LGALS9C: variants seen among roughly 807,000 people sequenced by gnomAD.
LGALS9C encodes the protein galectin-9C.
In LGALS9C, 7 loss-of-function variants were observed where a neutral mutation model predicts 41.3. The observed-to-expected ratio is 0.17, with a 90% CI of 0.10 to 0.32. The LOEUF is 0.32. LGALS9C is among the 10% of genes least tolerant of loss of function. The probability of loss-of-function intolerance (pLI) is 1.00; values close to 1 mark genes in which losing one functional copy is unlikely to be tolerated. For synonymous variants in LGALS9C, 44 were observed against 171.0 expected (o/e 0.26, Z 5.80); for missense variants, 102 against 455.2 (o/e 0.22, Z 7.06).
rs1411638910 is a variant in LGALS9C, at chr17:18,491,067, C to T, written c.577-206C>T. ...CGTTTCCCCGAGAGGAAAGATGGGC[C>T]AGAGCCACCAGCGTCCCCATCTGTC... is the stretch of plus-strand genomic sequence containing the variant. On this transcript the variant is annotated intron_variant, in intron 6 of 10. Transcript: ENST00000328114. The T allele has an allele frequency of 4.3e-6, 3 of 690,274 alleles. No individual in the cohort carries two copies. The East Asian group carries it at 8.1e-5, about 19-fold the overall frequency. The allele number at this position is 690,274 out of a possible 1,614,324, so 42.8% of individuals were successfully genotyped here. A position where few individuals can be genotyped will look rare whatever the true frequency, so the allele number is the denominator to read the frequency against.
chr17:18,491,180 CT>C, intron 6 of LGALS9C, 92 bp from the exon 7 acceptor site: 15 of 1,186,398 alleles, frequency 1.3e-5, no homozygotes, highest in Non-Finnish European at 1.8e-5. Flanking sequence ...GGTTATGCCC[CT>C]GGAGGGTGCC....
chr17:18,493,371 AG>A (rs1476331041), intron 10 of LGALS9C, among the ~76,000 whole-genome samples: 1 of 118,742 alleles, frequency 8.4e-6, no homozygotes, highest in Non-Finnish European at 2.0e-5. Context: ...GCGATGAGAT[AG>A]AGCGAGCCTG....
chr17:18,479,006 C>T (rs1989303559), intron 1 of LGALS9C, among the ~76,000 whole-genome samples: 1 of 71,764 alleles, frequency 1.4e-5, no homozygotes, highest in African/African-American at 3.7e-5. Context: ...ATCAAAGTGT[C>T]ATGAAAGGTG....
rs1254447785 is a variant in LGALS9C, at chr17:18,480,218, A to AC, written c.39+3325_39+3326insC. ...AATGAGATCCTGTCTCAAAAAAAAA[A>AC]AAAAAAAACACAACAAACAAACAAA... On this transcript the variant is annotated intron_variant, in intron 1 of 10. Transcript: ENST00000328114. 3.2e-5 allele frequency among the ~76,000 whole-genome samples: 4 copies of AC among 124,168 alleles called. No individual in the cohort carries two copies. The East Asian group carries it at 7.8e-4, about 24-fold the overall frequency. The allele number at this position is 124,168 out of a possible 152,430, so 81.5% of individuals were successfully genotyped here.
intron 1 of LGALS9C, among the ~76,000 whole-genome samples, chr17:18,477,989 T>C (rs1489090137): frequency 8.0e-6 from 1 of 124,786 alleles, no homozygotes; most frequent in East Asian, 2.0e-4. Context: ...AGGCTGCCTA[T>C]GTTCTGGTCT....
Position 18,483,965 on chromosome 17 carries a change from A to G in LGALS9C, c.130A>G (p.Arg44Gly), listed in dbSNP as rs566350742. The change falls in exon 2 of 11, where the codon AGG becomes GGG. Residue 44 changes from arginine (R) to glycine (G), a missense_variant and splice_region_variant. Arg to Gly is a moderately radical substitution (Grantham distance 125). Coordinates refer to ENST00000328114, the MANE Select transcript of LGALS9C (RefSeq NM_001040078.3). Reference protein sequence around the residue: ...NGAVLSCSGTRFAVDFQTGFS... With the variant: ...NGAVLSCSGTGFAVDFQTGFS... The stretch of plus-strand genomic sequence containing the variant: ...GGCCGTTCTCAGCTGCAGTGGAACC[A>G]GGTGTGTGTATATGGATGGAAACGT... 3 of 1,367,168 alleles carry G rather than the reference A, an allele frequency of 2.2e-6. No individual in the cohort carries two copies. Among genetic ancestry groups the G allele is most frequent in the African/African-American group, 2.9e-5 (2 of 70,086 alleles). 84.7% of individuals were successfully genotyped at this position (1,367,168 alleles called of 1,614,324 possible).
intron 1 of LGALS9C, among the ~76,000 whole-genome samples, chr17:18,480,336 T>C (rs1989348014): frequency 8.1e-6 from 1 of 124,126 alleles, no homozygotes; most frequent in African/African-American, 2.7e-5. Flanking sequence ...CCTTTGTGAT[T>C]ACATTGGGAC....
chr17:18,492,404 T>C (rs1425358528), intron 8 of LGALS9C, 53 bp from the exon 9 acceptor site: 2 of 1,508,182 alleles, frequency 1.3e-6, no homozygotes, highest in South Asian at 2.3e-5. Flanking sequence ...TCCCCTTCCA[T>C]GTGGCGGCTG....
chr17:18,491,381 C>A (rs1313661907), intron 7 of LGALS9C, 58 bp downstream of exon 7: 1 of 1,404,772 alleles, frequency 7.1e-7, no homozygotes, highest in Admixed American at 1.9e-5. Flanking sequence ...TCCCCAAGAA[C>A]TAAACTCCCT....
In LGALS9C at chr17:18,478,454, A is replaced by T. The variant is rs527498570; in HGVS notation, c.39+1561A>T. The stretch of plus-strand genomic sequence containing the variant: ...TACGGGGGCTCCCCTGGGTTGGGAC[A>T]CTTGAGCCTCACTCGGTGACCCATC... On this transcript the variant is annotated intron_variant, in intron 1 of 10. Coordinates refer to ENST00000328114, the MANE Select transcript of LGALS9C (RefSeq NM_001040078.3). Among the ~76,000 whole-genome samples, 7 of 122,168 alleles carry T rather than the reference A, an allele frequency of 5.7e-5. 1 individual carries two copies. The highest frequency in any genetic ancestry group is 1.9e-4 in the African/African-American group (7 of 37,198). 80.1% of individuals were successfully genotyped at this position (122,168 alleles called of 152,430 possible). A position where few individuals can be genotyped will look rare whatever the true frequency, so the allele number is the denominator to read the frequency against.
chr17:18,481,822 G>A (rs1181955049), intron 1 of LGALS9C, among the ~76,000 whole-genome samples: 1 of 137,460 alleles, frequency 7.3e-6, no homozygotes, highest in Non-Finnish European at 1.7e-5. Flanking sequence ...GGTTTCCCAG[G>A]GTGCTGTGTG....
At chr17:18,482,606 A>T (rs137874905) in intron 1 of LGALS9C, among the ~76,000 whole-genome samples, 9,757 of 140,852 alleles carry the variant, frequency 0.069, 25 homozygotes, top group African/African-American at 0.21. Flanking sequence ...TAGTGCTGAG[A>T]AGATGTTGAC....
Position 18,488,123 on chromosome 17 carries a change from C to T in LGALS9C, c.444+366C>T, listed in dbSNP as rs538315756. Reference sequence around the variant, plus strand: ...CTCTGCCATTCGTCATCTGTGGGATCTTAGACAAGCAACTTTGCCTCTCTC... The same window carrying T: ...CTCTGCCATTCGTCATCTGTGGGATTTTAGACAAGCAACTTTGCCTCTCTC... On this transcript the variant is annotated intron_variant, in intron 4 of 10. Transcript: ENST00000328114. 4.4e-3 allele frequency among the ~76,000 whole-genome samples: 572 copies of T among 130,608 alleles called. 31 individuals carry two copies. Among genetic ancestry groups the T allele is most frequent in the Non-Finnish European group, 6.8e-3 (371 of 54,252 alleles). The allele number at this position is 130,608 out of a possible 152,430, so 85.7% of individuals were successfully genotyped here. A position where few individuals can be genotyped will look rare whatever the true frequency, so the allele number is the denominator to read the frequency against.
rs755935023 is a variant in LGALS9C, at chr17:18,492,507, C to T, written c.723C>T (p.Ser241=). Residue 241 remains serine (S), a synonymous_variant, in exon 9 of 11, where the codon TCC becomes TCT. Transcript: ENST00000328114. ...CGGGAGGGCTGTACCCATCCAAGTC[C>T]ATCATCCTGTCAGGCACTGTCCTGC... The part of the protein sequence containing the change: ...TIPGGLYPSK[S]IILSGTVLPS... The T allele has an allele frequency of 5.8e-6, 9 of 1,563,172 alleles. No homozygotes were observed. Among genetic ancestry groups the T allele is most frequent in the Non-Finnish European group, 7.0e-6 (8 of 1,140,156 alleles).
chr17:18,479,472 T>C (rs1484782), intron 1 of LGALS9C, among the ~76,000 whole-genome samples: 26,782 of 125,606 alleles, frequency 0.21, 3,394 homozygotes, highest in African/African-American at 0.4. Flanking sequence ...CAGCATTGCT[T>C]CCAGTCCTCT....
In LGALS9C at chr17:18,492,439, T is replaced by C; in HGVS notation, c.673-18T>C. On this transcript the variant is annotated intron_variant, in intron 8 of 10. Transcript: ENST00000328114. The stretch of plus-strand genomic sequence containing the variant: ...GCCCTGACTGCCACTGGCTGACCTG[T>C]CCCCGTCCTTCTGACAGCCGATGCC... 1 of 1,510,718 alleles carries C rather than the reference T, an allele frequency of 6.6e-7. No homozygotes were observed. The highest frequency in any genetic ancestry group is 1.2e-5 in the South Asian group (1 of 86,656). The allele number at this position is 1,510,718 out of a possible 1,614,324, so 93.6% of individuals were successfully genotyped here.
rs577698442 is a variant in LGALS9C, at chr17:18,493,035, A to G, written c.924+176A>G. ...TTATTAATAATTATTACTGTCCTGC[A>G]TGAAGGAAGCGTTGGGATCTGCTTT... On this transcript the variant is annotated intron_variant, in intron 10 of 10. Transcript: ENST00000328114. Among the ~76,000 whole-genome samples the G allele has an allele frequency of 1.5e-3, 199 of 129,542 alleles. 4 individuals carry two copies. Among genetic ancestry groups the G allele is most frequent in the Non-Finnish European group, 2.7e-3 (147 of 54,288 alleles). The allele number at this position is 129,542 out of a possible 152,430, so 85.0% of individuals were successfully genotyped here.
At chr17:18,491,618 T>C (rs1273234353) in intron 7 of LGALS9C, among the ~76,000 whole-genome samples, 2 of 146,146 alleles carry the variant, frequency 1.4e-5, no homozygotes, top group African/African-American at 4.9e-5. Flanking sequence ...GTGAGGTTCC[T>C]GGCCCTGCCT....
At chr17:18,477,012 C>G in intron 1 of LGALS9C, 119 bp downstream of exon 1, 1 of 1,129,358 alleles carries the variant, frequency 8.9e-7, no homozygotes, top group East Asian at 2.4e-5. Flanking sequence ...AAAGAGAACA[C>G]AAGCAGGGCA....
Sources: allele counts gnomAD v4.1 joint callset (sites outside exome capture counted in the v4.1 genomes callset), GRCh38; gene constraint gnomAD v4.1.1; transcripts MANE v1.5; gene names NCBI Gene and HGNC (gene_info 2026-07-23, HGNC 2026-07-21).